Variants in NEGR1 observed in about 807,000 individuals in gnomAD.
NEGR1 encodes IgLON family member 4.
A neutral mutation model predicts 40.9 loss-of-function variants in NEGR1; 10 were observed. The ratio of observed to expected loss-of-function variants is 0.24; its 90% CI spans 0.15 to 0.42. NEGR1 has a LOEUF of 0.42. Among genes scored for constraint, NEGR1 ranks in the 10% least tolerant of loss-of-function variants. The pLI, the probability that NEGR1 is intolerant of heterozygous loss-of-function variation, is 1.00. For missense variants in NEGR1, 352 were observed against 438.9 expected (o/e 0.80, Z 1.77); for synonymous variants, 185 against 166.8 (o/e 1.11, Z -0.84).
chr1:71,859,868 T>A (rs1007761631), intron 2 of NEGR1, among the ~76,000 whole-genome samples: 1 of 152,088 alleles, frequency 6.6e-6, no homozygotes, highest in African/African-American at 2.4e-5. Flanking sequence ...CATCTAAATA[T>A]CAAAGTAACT....
intron 4 of NEGR1, among the ~76,000 whole-genome samples, chr1:71,617,310 C>T (rs1298709116): frequency 6.6e-6 from 1 of 152,172 alleles, no homozygotes; most frequent in Non-Finnish European, 1.5e-5. Context: ...GATGAAATAG[C>T]AGAGGATATT....
intron 1 of NEGR1, among the ~76,000 whole-genome samples, chr1:72,204,423 G>A (rs1034379334): frequency 3.9e-5 from 6 of 152,032 alleles, no homozygotes; most frequent in African/African-American, 1.4e-4. Context: ...GCCAATAAAT[G>A]CTAACAAATA....
intron 4 of NEGR1, among the ~76,000 whole-genome samples, chr1:71,652,763 C>T (rs1012553244): frequency 1.4e-4 from 21 of 151,916 alleles, no homozygotes; most frequent in African/African-American, 4.6e-4. Context: ...ACATGAAGGG[C>T]TGAGGTGGGA....
At chr1:71,710,956 T>C (rs1570244549) in intron 3 of NEGR1, among the ~76,000 whole-genome samples, 1 of 152,144 alleles carries the variant, frequency 6.6e-6, no homozygotes, top group East Asian at 1.9e-4. Context: ...TATGTGCTTA[T>C]TTTGCATTGC....
chr1:72,207,446 G>T (rs1417527696), intron 1 of NEGR1, among the ~76,000 whole-genome samples: 4 of 151,746 alleles, frequency 2.6e-5, no homozygotes, highest in Non-Finnish European at 5.9e-5. Context: ...AGAAAGAATG[G>T]AGAAAAATTT....
At chr1:71,929,696 T>C (rs1040400373) in intron 2 of NEGR1, among the ~76,000 whole-genome samples, 3 of 152,176 alleles carry the variant, frequency 2.0e-5, no homozygotes, top group African/African-American at 7.2e-5. Flanking sequence ...TTGTCCAATG[T>C]ATGTAGTATT....
intron 1 of NEGR1, among the ~76,000 whole-genome samples, chr1:72,148,742 CTT>C (rs1651007360): frequency 6.6e-6 from 1 of 152,216 alleles, no homozygotes; most frequent in African/African-American, 2.4e-5. Flanking sequence ...CCGCCAGTCT[CTT>C]TGATAAAACA....
In NEGR1 at chr1:71,465,596, G is replaced by A. The variant is rs144589639; in HGVS notation, c.941-58026C>T. Among the ~76,000 whole-genome samples, 287 of 152,126 alleles carry A rather than the reference G, an allele frequency of 1.9e-3. 2 individuals carry two copies. The highest frequency in any genetic ancestry group is 0.016 in the Admixed American group (240 of 15,228). ...GGGTCTCCATGAACCCATTAAGTTG[G>A]ATACAAGACTCAACTTAGTATAATA... On this transcript the variant is annotated intron_variant, in intron 6 of 6. Transcript: ENST00000357731.
intron 1 of NEGR1, among the ~76,000 whole-genome samples, chr1:72,270,806 G>A (rs987536591): frequency 1.5e-4 from 23 of 151,754 alleles, no homozygotes; most frequent in African/African-American, 5.1e-4. Flanking sequence ...TAAAATTTGT[G>A]ATTCCATTTC....
intron 2 of NEGR1, among the ~76,000 whole-genome samples, chr1:71,834,668 A>T (rs1387031998): frequency 6.6e-6 from 1 of 152,038 alleles, no homozygotes; most frequent in African/African-American, 2.4e-5. Flanking sequence ...TGTGTGGGCC[A>T]ATTCCTACTG....
At chr1:72,253,237 G>A (rs973980711) in intron 1 of NEGR1, among the ~76,000 whole-genome samples, 50 of 152,036 alleles carry the variant, frequency 3.3e-4, no homozygotes, top group African/African-American at 1.1e-3. Flanking sequence ...ATCTCTAATA[G>A]TTCTATTTTC....
intron 6 of NEGR1, among the ~76,000 whole-genome samples, chr1:71,413,733 T>A (rs889209757): frequency 6.6e-6 from 1 of 152,108 alleles, no homozygotes; most frequent in Non-Finnish European, 1.5e-5. Context: ...CCAAGCTGAG[T>A]GGAGTGTAAG....
chr1:71,602,645 T>C (rs1178400167), intron 5 of NEGR1, among the ~76,000 whole-genome samples: 2 of 152,234 alleles, frequency 1.3e-5, no homozygotes, highest in Non-Finnish European at 2.9e-5. Context: ...AAGTATTCTG[T>C]AACCCTTTTA....
intron 6 of NEGR1, among the ~76,000 whole-genome samples, chr1:71,425,162 C>T (rs994716251): frequency 5.9e-5 from 9 of 151,838 alleles, no homozygotes; most frequent in African/African-American, 1.7e-4. Context: ...ACACATAATA[C>T]GTGCTCTTAG....
intron 1 of NEGR1, among the ~76,000 whole-genome samples, chr1:72,077,564 G>T (rs1057315508): frequency 6.6e-6 from 1 of 151,772 alleles, no homozygotes; most frequent in Admixed American, 6.6e-5. Flanking sequence ...CTGAAGTTGG[G>T]GTATGGCTTG....
At chr1:72,051,610 T>A (rs545791144) in intron 1 of NEGR1, among the ~76,000 whole-genome samples, 1 of 151,622 alleles carries the variant, frequency 6.6e-6, no homozygotes, top group South Asian at 2.1e-4. Flanking sequence ...AAAAGTTTAT[T>A]TGCCAAGAAA....
intron 3 of NEGR1, among the ~76,000 whole-genome samples, chr1:71,746,739 CAT>C (rs59409595): frequency 0.09 from 13,576 of 151,360 alleles, 826 homozygotes; most frequent in East Asian, 0.17. Flanking sequence ...CATACACACA[CAT>C]GTACACACAC....
chr1:71,806,426 TG>T (rs1657773326), intron 2 of NEGR1, among the ~76,000 whole-genome samples: 1 of 151,980 alleles, frequency 6.6e-6, no homozygotes, highest in Admixed American at 6.6e-5. Context: ...AAGTATCAAA[TG>T]AGTGTGTAGG....
At chr1:71,579,007 T>G (rs1338377522) in intron 6 of NEGR1, among the ~76,000 whole-genome samples, 1 of 152,164 alleles carries the variant, frequency 6.6e-6, no homozygotes, top group Non-Finnish European at 1.5e-5. Flanking sequence ...TCACATGCAT[T>G]ATGACACAGC....
Sources: allele counts gnomAD v4.1 joint callset (sites outside exome capture counted in the v4.1 genomes callset), GRCh38; gene constraint gnomAD v4.1.1; transcripts MANE v1.5; gene names NCBI Gene and HGNC (gene_info 2026-07-23, HGNC 2026-07-21).